Variants in ABR observed in about 807,000 individuals in gnomAD.
ABR encodes the protein active breakpoint cluster region-related protein.
Under a neutral mutation model 107.2 loss-of-function variants are expected in ABR, and 35 were observed. That is an observed-to-expected ratio of 0.33 (90% CI 0.25 to 0.43). The LOEUF (loss-of-function observed/expected upper bound fraction) is 0.43. Among genes scored for constraint, ABR ranks in the 20% least tolerant of loss-of-function variants. The pLI is 1.00. For synonymous variants in ABR, 498 were observed against 462.0 expected (o/e 1.08, Z -1.00); for missense variants, 815 against 1,115.2 (o/e 0.73, Z 3.83).
intron 1 of ABR, among the ~76,000 whole-genome samples, chr17:1,138,858 G>A (rs1192814048): frequency 1.3e-5 from 2 of 151,508 alleles, no homozygotes; most frequent in East Asian, 1.9e-4. Context: ...ATGGAGAAGG[G>A]AAGGACTGTT....
rs530311485 is a variant in ABR at position 1,098,702 on chromosome 17, C to T, written c.345+1935G>A. Among the ~76,000 whole-genome samples the T allele has an allele frequency of 2.6e-5, 4 of 152,342 alleles. No individual in the cohort carries two copies. In the East Asian group the frequency reaches 5.8e-4, roughly 22 times the overall value. On this transcript the variant is annotated intron_variant, in intron 3 of 22. Transcript: ENST00000302538. ...GGCCCCAGACCAGGACCCTCAGCTA[C>T]CTGCCACACTGCCCCTCACTTGGAA...
chr17:1,063,026 G>A (rs1252650112), intron 10 of ABR, among the ~76,000 whole-genome samples: 1 of 136,318 alleles, frequency 7.3e-6, no homozygotes, highest in Non-Finnish European at 1.6e-5. Flanking sequence ...TGAGGGCTAT[G>A]CATGTTCCTC....
intron 1 of ABR, among the ~76,000 whole-genome samples, chr17:1,126,823 G>A (rs1468311240): frequency 3.9e-5 from 6 of 152,152 alleles, no homozygotes; most frequent in South Asian, 2.1e-4. Context: ...ATCACTGTAC[G>A]CCAGCACCCA....
At chr17:1,201,372 G>A (rs371463166) in intron 1 of ABR, among the ~76,000 whole-genome samples, 8 of 152,204 alleles carry the variant, frequency 5.3e-5, no homozygotes, top group East Asian at 3.9e-4. Context: ...AAGACCCAGC[G>A]AGATCGTGAA....
chr17:1,012,386 G>T (rs751271138), intron 18 of ABR: 36 of 662,504 alleles, frequency 5.4e-5, no homozygotes, highest in Non-Finnish European at 9.5e-5. Context: ...GCCAGTCCCC[G>T]TTGGTGCCGA....
At chr17:1,100,374 G>A (rs1224306238) in intron 3 of ABR, among the ~76,000 whole-genome samples, 4 of 152,238 alleles carry the variant, frequency 2.6e-5, no homozygotes, top group Non-Finnish European at 2.9e-5. Context: ...CCAGGGTCGT[G>A]GGTGACAGGT....
chr17:1,059,221 A>G (rs1287825890), intron 10 of ABR, among the ~76,000 whole-genome samples: 8 of 151,860 alleles, frequency 5.3e-5, no homozygotes, highest in African/African-American at 1.9e-4. Flanking sequence ...ACCAGAGACC[A>G]CTCCTCTAGC....
chr17:1,013,205 A>T, intron 16 of ABR, 41 bp from the exon 17 acceptor site: 1 of 1,595,438 alleles, frequency 6.3e-7, no homozygotes, highest in Non-Finnish European at 8.6e-7. Context: ...GCCAGCTCGG[A>T]GGCCAAGCCA....
intron 2 of ABR, 150 bp downstream of exon 2, chr17:1,125,033 A>G: frequency 6.7e-6 from 5 of 750,064 alleles, no homozygotes; most frequent in Non-Finnish European, 1.0e-5. Flanking sequence ...GTCCAGGGCC[A>G]GGACGAGATG....
At chr17:1,155,064 G>A (rs915647652) in intron 1 of ABR, 1 of 130,940 alleles carries the variant, frequency 7.6e-6, no homozygotes, top group Non-Finnish European at 1.7e-5. Context: ...CTCGATGCCT[G>A]TGGGAAGTGA....
At chr17:1,054,494 CA>C (rs1303865667) in intron 14 of ABR, among the ~76,000 whole-genome samples, 10 of 134,522 alleles carry the variant, frequency 7.4e-5, no homozygotes, top group African/African-American at 3.3e-4. Flanking sequence ...CAAGGAACCT[CA>C]AAGGGATGGG....
At chr17:1,213,415 A>G (rs956529931) in intron 1 of ABR, among the ~76,000 whole-genome samples, 2 of 152,068 alleles carry the variant, frequency 1.3e-5, no homozygotes, top group Non-Finnish European at 2.9e-5. Flanking sequence ...TTTGAGACGG[A>G]GTCTCGCTCT....
chr17:1,161,449 T>A (rs1772475065), intron 1 of ABR, among the ~76,000 whole-genome samples: 1 of 152,042 alleles, frequency 6.6e-6, no homozygotes, highest in Admixed American at 6.6e-5. Context: ...TCTTGATATG[T>A]TGCCCGGACT....
chr17:1,115,669 A>C (rs1234602461), intron 2 of ABR, among the ~76,000 whole-genome samples: 1 of 152,256 alleles, frequency 6.6e-6, no homozygotes, highest in African/African-American at 2.4e-5. Context: ...TCACGCCTGT[A>C]ATCCCAGCAC....
Position 1,078,794 on chromosome 17 carries a change from A to C in ABR, c.700+536T>G. 6.5e-7 allele frequency: 1 copy of C among 1,534,988 alleles called. No individual in the cohort carries two copies. The highest frequency in any genetic ancestry group is 1.2e-5 in the South Asian group (1 of 84,016). ...GAGGTGGGAGGGTCCGCCACCTCCC[A>C]CAGCGAGCACCTGGGTTACCATAGG... On this transcript the variant is annotated intron_variant, in intron 6 of 22. Transcript: ENST00000302538. This position sits in a 1 kb window ranked among gnomAD's most constrained non-coding sequence, Gnocchi z 7.5.
At chr17:1,007,501 G>C (rs1326611686) in intron 21 of ABR, among the ~76,000 whole-genome samples, 189 bp from the exon 22 acceptor site, 1 of 152,202 alleles carries the variant, frequency 6.6e-6, no homozygotes, top group African/African-American at 2.4e-5. Context: ...CCCCAGCCAT[G>C]TGCCAGTGTT....
chr17:1,005,284 G>A lies in ABR; in HGVS notation c.*796C>T. On this transcript the variant is annotated 3_prime_UTR_variant, in exon 23 of 23. Coordinates refer to ENST00000302538, the MANE Select transcript of ABR (RefSeq NM_021962.5). ...AAGAAACAGTCAGAGATGCCTCACT[G>A]ATAGACAGGAGGCCGAACAGGTAAA... 2.5e-6 allele frequency: 1 copy of A among 397,998 alleles called. No individual in the cohort carries two copies. The highest frequency in any genetic ancestry group is 3.6e-5 in the East Asian group (1 of 28,066). The allele number at this position is 397,998 out of a possible 1,614,324, so 24.7% of individuals were successfully genotyped here.
intron 1 of ABR, among the ~76,000 whole-genome samples, chr17:1,207,668 A>T (rs1422728882): frequency 6.8e-6 from 1 of 146,726 alleles, no homozygotes; most frequent in Non-Finnish European, 1.5e-5. Context: ...AAAAAAAAAG[A>T]GAAGTGGGGG....
At chr17:1,102,002 G>A (rs184124806) in intron 2 of ABR, among the ~76,000 whole-genome samples, 11 of 152,174 alleles carry the variant, frequency 7.2e-5, no homozygotes, top group Non-Finnish European at 1.5e-4. Context: ...CAAAGTGCTG[G>A]GATTACAGGT....
Sources: allele counts gnomAD v4.1 joint callset (sites outside exome capture counted in the v4.1 genomes callset), GRCh38; gene constraint gnomAD v4.1.1; non-coding constraint Gnocchi (gnomAD v3.1); transcripts MANE v1.5; gene names NCBI Gene and HGNC (gene_info 2026-07-23, HGNC 2026-07-21).